The following GRID2 variants were observed in gnomAD, a reference collection of about 807,000 sequenced individuals.
The protein encoded by GRID2 is glutamate ionotropic receptor delta type subunit 2.
In GRID2, 33 loss-of-function variants were observed where a neutral mutation model predicts 114.8. The ratio of observed to expected loss-of-function variants is 0.29; its 90% CI spans 0.22 to 0.38. The LOEUF is 0.38. GRID2 is among the 10% of genes least tolerant of loss of function. The pLI, the probability that GRID2 is intolerant of heterozygous loss-of-function variation, is 1.00. For synonymous variants in GRID2, 505 were observed against 449.9 expected (o/e 1.12, Z -1.55); for missense variants, 1,184 against 1,257.7 (o/e 0.94, Z 0.89).
intron 2 of GRID2, among the ~76,000 whole-genome samples, chr4:92,658,800 T>C: frequency 1.2e-5 from 1 of 80,548 alleles, no homozygotes; most frequent in Non-Finnish European, 2.9e-5. Context: ...TGTGTATATA[T>C]ATATATATAT....
chr4:93,664,050 T>A (rs1332332984), intron 14 of GRID2, among the ~76,000 whole-genome samples: 1 of 152,154 alleles, frequency 6.6e-6, no homozygotes, highest in Non-Finnish European at 1.5e-5. Context: ...TGGTCAAGGA[T>A]AAACTCTCTA....
Position 92,928,056 on chromosome 4 carries a change from C to T in GRID2, c.245-156939C>T, listed in dbSNP as rs140975094. On this transcript the variant is annotated intron_variant, in intron 2 of 15. Coordinates refer to ENST00000282020, the MANE Select transcript of GRID2 (RefSeq NM_001510.4). ...CAACCTGTATAAGCATCTTTGAAAA[C>T]TTAATCCAGACCAAAAGGGCTACCA... 8.1e-4 allele frequency among the ~76,000 whole-genome samples: 123 copies of T among 151,734 alleles called. 1 individual carries two copies. The highest frequency in any genetic ancestry group is 2.8e-3 in the African/African-American group (116 of 41,480).
intron 2 of GRID2, among the ~76,000 whole-genome samples, chr4:92,830,837 T>C (rs191434352): frequency 6.6e-6 from 1 of 152,304 alleles, no homozygotes; most frequent in Non-Finnish European, 1.5e-5. Context: ...AGCTATTCCA[T>C]TTAAGTATCT....
intron 2 of GRID2, among the ~76,000 whole-genome samples, chr4:92,721,905 C>G (rs1033323315): frequency 2.9e-4 from 44 of 152,122 alleles, no homozygotes; most frequent in African/African-American, 9.9e-4. Flanking sequence ...ATAAACATAT[C>G]ATTGACCAGC....
chr4:92,918,271 T>C (rs1748992186), intron 2 of GRID2, among the ~76,000 whole-genome samples: 1 of 152,208 alleles, frequency 6.6e-6, no homozygotes, highest in Admixed American at 6.5e-5. Context: ...TGGGATTTTC[T>C]AGATATACAA....
intron 13 of GRID2, among the ~76,000 whole-genome samples, chr4:93,525,707 T>C (rs1730819455): frequency 1.3e-5 from 2 of 152,114 alleles, no homozygotes; most frequent in African/African-American, 2.4e-5. Context: ...AGAAAATGCT[T>C]CCTAGGAAAC....
intron 1 of GRID2, among the ~76,000 whole-genome samples, chr4:92,377,271 C>A (rs1441296944): frequency 6.6e-6 from 1 of 152,108 alleles, no homozygotes; most frequent in Admixed American, 6.5e-5. Flanking sequence ...TTCCACACAT[C>A]TCTGGGATAG....
At chr4:93,720,306 T>A (rs1412508529) in intron 14 of GRID2, among the ~76,000 whole-genome samples, 1 of 152,210 alleles carries the variant, frequency 6.6e-6, no homozygotes, top group Admixed American at 6.6e-5. Context: ...AAACAATGAT[T>A]ATGTAGCAAC....
intron 3 of GRID2, among the ~76,000 whole-genome samples, chr4:93,087,089 C>T (rs1257826633): frequency 6.6e-6 from 1 of 151,786 alleles, no homozygotes; most frequent in Non-Finnish European, 1.5e-5. Context: ...GGCTGGAGTG[C>T]AGTGTCACAA....
At chr4:92,589,853 T>C (rs1298639956) in intron 1 of GRID2, among the ~76,000 whole-genome samples, 1 of 152,164 alleles carries the variant, frequency 6.6e-6, no homozygotes, top group Admixed American at 6.5e-5. Context: ...GGATACTTTG[T>C]CATGTAGAAG....
At chr4:93,100,260 C>T (rs10856899) in intron 3 of GRID2, among the ~76,000 whole-genome samples, 80,476 of 151,534 alleles carry the variant, frequency 0.53, 22,900 homozygotes, top group African/African-American at 0.72. Context: ...AGATCACAAG[C>T]TATTATCAAA....
At chr4:92,642,339 T>G (rs1211728651) in intron 2 of GRID2, among the ~76,000 whole-genome samples, 2 of 151,922 alleles carry the variant, frequency 1.3e-5, no homozygotes, top group African/African-American at 4.8e-5. Context: ...CCATTCTGAC[T>G]GGTGTGAGAT....
chr4:92,744,124 C>A (rs1316982975), intron 2 of GRID2, among the ~76,000 whole-genome samples: 1 of 151,950 alleles, frequency 6.6e-6, no homozygotes, highest in Non-Finnish European at 1.5e-5. Flanking sequence ...CATGTTTACC[C>A]TGTGTATTTC....
At chr4:92,588,535 T>C (rs1396295034) in intron 1 of GRID2, among the ~76,000 whole-genome samples, 1 of 150,978 alleles carries the variant, frequency 6.6e-6, no homozygotes, top group Non-Finnish European at 1.5e-5. Flanking sequence ...AAAAATTAGC[T>C]GGGCGCGGTG....
intron 1 of GRID2, among the ~76,000 whole-genome samples, chr4:92,450,641 A>AT (rs572018363): frequency 1.3e-5 from 2 of 150,726 alleles, no homozygotes; most frequent in Non-Finnish European, 3.0e-5. Flanking sequence ...CAATGAGACT[A>AT]TTTTTTTTCA....
chr4:92,880,144 G>A (rs578143278), intron 2 of GRID2, among the ~76,000 whole-genome samples: 41 of 152,180 alleles, frequency 2.7e-4, no homozygotes, highest in African/African-American at 8.9e-4. Context: ...GTTTATTCCC[G>A]TTCTGTGATA....
chr4:92,905,999 AG>A (rs1747924625), intron 2 of GRID2, among the ~76,000 whole-genome samples: 1 of 152,154 alleles, frequency 6.6e-6, no homozygotes, highest in Non-Finnish European at 1.5e-5. Context: ...AAATGGGTGT[AG>A]GGGGTAGAAA....
chr4:92,350,157 T>C (rs928746450), intron 1 of GRID2, among the ~76,000 whole-genome samples: 18 of 151,554 alleles, frequency 1.2e-4, no homozygotes, highest in African/African-American at 4.4e-4. Flanking sequence ...GTTGAAGTCA[T>C]TTTTTTTAGT....
chr4:92,991,833 AT>A (rs1754923395), intron 2 of GRID2, among the ~76,000 whole-genome samples: 1 of 152,236 alleles, frequency 6.6e-6, no homozygotes, highest in Non-Finnish European at 1.5e-5. Flanking sequence ...TCCAAATGAC[AT>A]TTTGAAATTT....
Sources: gnomAD v4.1 joint callset for allele counts (sites outside exome capture counted in the v4.1 genomes callset) on GRCh38, gnomAD v4.1.1 for gene constraint, MANE v1.5 for transcripts, NCBI Gene and HGNC (gene_info 2026-07-23, HGNC 2026-07-21) for gene names.